Variants in CREB5 observed in about 807,000 individuals in gnomAD.
CREB5 encodes cAMP responsive element binding protein 5.
Under a neutral mutation model 57.1 loss-of-function variants are expected in CREB5, and 19 were observed. The observed-to-expected ratio is 0.33, with a 90% CI of 0.23 to 0.49. The LOEUF is 0.49. Among genes scored for constraint, CREB5 ranks in the 20% least tolerant of loss-of-function variants. The probability of loss-of-function intolerance (pLI) is 0.99; values close to 1 mark genes in which losing one functional copy is unlikely to be tolerated. For missense variants in CREB5, 579 were observed against 671.6 expected, an observed-to-expected ratio of 0.86 and a Z score of 1.52; for synonymous variants, 238 against 238.3, an observed-to-expected ratio of 1.00 and a Z score of 0.01.
intron 1 of CREB5, among the ~76,000 whole-genome samples, chr7:28,471,564 G>T (rs148987461): frequency 6.6e-6 from 1 of 152,232 alleles, no homozygotes; most frequent in East Asian, 1.9e-4. Flanking sequence ...GGCTTACTGG[G>T]CATTCACTAC....
At chr7:28,775,566 T>TATATATATA (rs1396993277) in intron 7 of CREB5, among the ~76,000 whole-genome samples, 1 of 82,546 alleles carries the variant, frequency 1.2e-5, no homozygotes, top group African/African-American at 4.7e-5. Flanking sequence ...ATATATATAT[T>TATATATATA]AGCGTATTTT....
At chr7:28,560,931 T>TGCGTGTGCGTGCG (rs1467935536) in intron 4 of CREB5, among the ~76,000 whole-genome samples, 1 of 48,532 alleles carries the variant, frequency 2.1e-5, no homozygotes, top group African/African-American at 1.2e-4. Context: ...TGCGCGTGCG[T>TGCGTGTGCGTGCG]GTGTGCGTGC....
chr7:28,420,824 A>AT (rs200162136), intron 1 of CREB5, among the ~76,000 whole-genome samples: 5,248 of 150,348 alleles, frequency 0.035, 295 homozygotes, highest in African/African-American at 0.11. Context: ...AAAAAAAAAA[A>AT]AAAAAGGTTA....
At chr7:28,734,110 G>T (rs1427859454) in intron 7 of CREB5, among the ~76,000 whole-genome samples, 2 of 150,918 alleles carry the variant, frequency 1.3e-5, no homozygotes, top group Non-Finnish European at 2.9e-5. Context: ...TTGACCCCTG[G>T]TGTGGCACCA....
Position 28,685,955 on chromosome 7 carries a change from G to T in CREB5, c.465-32798G>T, listed in dbSNP as rs547816279. On this transcript the variant is annotated intron_variant, in intron 5 of 10. Coordinates refer to ENST00000357727, the MANE Select transcript of CREB5 (RefSeq NM_182898.4). The stretch of plus-strand genomic sequence containing the variant: ...ACTAGCACTGAGCTAAAAAGGAGAA[G>T]GGGGAGGAGGGCGAGACCAGGAGAA... 40 of 558,720 alleles carry T rather than the reference G, an allele frequency of 7.2e-5. No homozygotes were observed. In the East Asian group the frequency reaches 1.1e-3, roughly 16 times the overall value. The allele number at this position is 558,720 out of a possible 1,614,324, so 34.6% of individuals were successfully genotyped here.
At chr7:28,372,921 G>A (rs539676543) in intron 1 of CREB5, among the ~76,000 whole-genome samples, 12 of 152,272 alleles carry the variant, frequency 7.9e-5, no homozygotes, top group Admixed American at 6.5e-5. Context: ...GAATGTGTAC[G>A]GCTTTGTCAT....
At chr7:28,319,523 G>T (rs1367670336) in intron 1 of CREB5, among the ~76,000 whole-genome samples, 1 of 152,116 alleles carries the variant, frequency 6.6e-6, no homozygotes, top group Admixed American at 6.5e-5. Flanking sequence ...GGACTTCGGA[G>T]TATTTGTGAA....
At chr7:28,537,596 G>T (rs1323077113) in intron 4 of CREB5, among the ~76,000 whole-genome samples, 27 of 152,132 alleles carry the variant, frequency 1.8e-4, no homozygotes. Flanking sequence ...CAGAACTTGG[G>T]AGCTGCTTGA....
chr7:28,671,480 C>T lies in CREB5; in HGVS notation c.465-47273C>T, dbSNP rs1272532253. 3.9e-5 allele frequency among the ~76,000 whole-genome samples: 6 copies of T among 152,092 alleles called. No individual in the cohort carries two copies. The East Asian group carries it at 1.2e-3, about 29-fold the overall frequency. On this transcript the variant is annotated intron_variant, in intron 5 of 10. Transcript: ENST00000357727. The stretch of plus-strand genomic sequence containing the variant: ...GCTAGTTCAACTAGAACACAGCAAT[C>T]CTAATTTTTCAGACTGGGGAGAAGC...
At chr7:28,548,523 G>C (rs1020023228) in intron 4 of CREB5, among the ~76,000 whole-genome samples, 5 of 152,214 alleles carry the variant, frequency 3.3e-5, no homozygotes, top group Non-Finnish European at 7.3e-5. Context: ...TTAGGGCATT[G>C]ATGGGGCCAA....
At chr7:28,549,699 G>GTT (rs910930188) in intron 4 of CREB5, among the ~76,000 whole-genome samples, 1 of 147,554 alleles carries the variant, frequency 6.8e-6, no homozygotes, top group Non-Finnish European at 1.5e-5. Context: ...CTGGATGCCT[G>GTT]TTTTTTTTTT....
chr7:28,743,747 G>C (rs1804509554), intron 7 of CREB5, among the ~76,000 whole-genome samples: 1 of 151,456 alleles, frequency 6.6e-6, no homozygotes, highest in Non-Finnish European at 1.5e-5. Flanking sequence ...TCTGTTTCAG[G>C]CCTCTCTCCT....
At chr7:28,660,851 T>C (rs1361011045) in intron 5 of CREB5, among the ~76,000 whole-genome samples, 1 of 152,078 alleles carries the variant, frequency 6.6e-6, no homozygotes, top group Non-Finnish European at 1.5e-5. Context: ...CCTGCAGGGT[T>C]TTTCTCAGTC....
chr7:28,673,141 C>A (rs958620161), intron 5 of CREB5, among the ~76,000 whole-genome samples: 4 of 152,162 alleles, frequency 2.6e-5, no homozygotes, highest in Non-Finnish European at 4.4e-5. Context: ...TCAGAAACAT[C>A]CACAATTTAG....
intron 4 of CREB5, among the ~76,000 whole-genome samples, chr7:28,560,947 TGTGC>T (rs1261166766): frequency 1.4e-4 from 3 of 21,180 alleles, no homozygotes; most frequent in African/African-American, 3.4e-4. Flanking sequence ...CGTGCGTGTG[TGTGC>T]GTGTGTGTGC....
intron 4 of CREB5, among the ~76,000 whole-genome samples, chr7:28,550,630 C>T (rs1794599128): frequency 6.6e-6 from 1 of 152,180 alleles, no homozygotes; most frequent in Admixed American, 6.6e-5. Flanking sequence ...CCGCCTCCCA[C>T]CTATAAAATG....
chr7:28,809,046 A>C (rs1431243135), intron 8 of CREB5, 141 bp from the exon 9 acceptor site: 2 of 683,492 alleles, frequency 2.9e-6, no homozygotes, highest in African/African-American at 3.6e-5. Context: ...CGTCTGTTTC[A>C]TTCATAGGAG....
At chr7:28,543,451 G>A (rs1327033158) in intron 4 of CREB5, among the ~76,000 whole-genome samples, 4 of 152,004 alleles carry the variant, frequency 2.6e-5, no homozygotes, top group South Asian at 2.1e-4. Flanking sequence ...TTTGCCCAAT[G>A]TCTTTTTAAA....
At chr7:28,611,176 G>T (rs989700617) in intron 5 of CREB5, among the ~76,000 whole-genome samples, 1 of 152,050 alleles carries the variant, frequency 6.6e-6, no homozygotes, top group Non-Finnish European at 1.5e-5. Flanking sequence ...TGGGACAAAA[G>T]TGAGGCAACA....
Sources: allele counts gnomAD v4.1 joint callset (sites outside exome capture counted in the v4.1 genomes callset), GRCh38; gene constraint gnomAD v4.1.1; transcripts MANE v1.5; gene names NCBI Gene and HGNC (gene_info 2026-07-23, HGNC 2026-07-21).